The following DCLK1 variants were observed in gnomAD, a reference collection of about 807,000 sequenced individuals.
The protein encoded by DCLK1 is serine/threonine-protein kinase DCLK1.
DCLK1 carries 16 observed loss-of-function variants against 86.2 expected under a neutral mutation model. The observed-to-expected ratio is 0.19, with a 90% CI of 0.13 to 0.28. The LOEUF (loss-of-function observed/expected upper bound fraction) is 0.28. Among genes scored for constraint, DCLK1 ranks in the 10% least tolerant of loss-of-function variants. The probability of loss-of-function intolerance (pLI) is 1.00; values close to 1 mark genes in which losing one functional copy is unlikely to be tolerated. For synonymous variants in DCLK1, 369 were observed against 370.5 expected (o/e 1.00, Z 0.05); for missense variants, 590 against 940.2 (o/e 0.63, Z 4.87).
chr13:35,838,966 G>A, intron 7 of DCLK1, 126 bp downstream of exon 7: 1 of 803,270 alleles, frequency 1.2e-6, no homozygotes. Flanking sequence ...CTATCCCCTT[G>A]TGATTGACCC....
At chr13:35,963,519 T>C (rs552612204) in intron 3 of DCLK1, among the ~76,000 whole-genome samples, 2 of 152,324 alleles carry the variant, frequency 1.3e-5, no homozygotes, top group South Asian at 4.1e-4. Flanking sequence ...TTTCTGGCAT[T>C]GTTCTGGTCA....
chr13:35,847,630 A>AGAAAGAAAGAAAGAAAGAAAGAAG, intron 6 of DCLK1: 1 of 246,310 alleles, frequency 4.1e-6, no homozygotes, highest in Non-Finnish European at 4.8e-6. Flanking sequence ...AAAAAAAGAA[A>AGAAAGAAAGAAAGAAAGAAAGAAG]GAAAGAAAGA....
chr13:35,912,950 C>A (rs377520221), intron 4 of DCLK1, among the ~76,000 whole-genome samples: 7 of 152,200 alleles, frequency 4.6e-5, no homozygotes, highest in African/African-American at 1.4e-4. Context: ...CTGCTGGCGC[C>A]CAGAGTAGCT....
intron 11 of DCLK1, among the ~76,000 whole-genome samples, chr13:35,818,524 G>A (rs1379281468): frequency 6.6e-6 from 1 of 152,162 alleles, no homozygotes; most frequent in Non-Finnish European, 1.5e-5. Context: ...CAGGGTCTTG[G>A]GGACTTTGGG....
At chr13:36,112,273 C>T in intron 2 of DCLK1, 58 bp from the exon 3 acceptor site, 1 of 1,322,318 alleles carries the variant, frequency 7.6e-7, no homozygotes, top group Non-Finnish European at 1.0e-6. Flanking sequence ...TTCTTTTTTC[C>T]TACTTATCCT....
intron 5 of DCLK1, among the ~76,000 whole-genome samples, chr13:35,866,077 G>A (rs192446918): frequency 5.8e-4 from 89 of 152,242 alleles, no homozygotes; most frequent in African/African-American, 1.8e-3. Flanking sequence ...AGTCCCCGGT[G>A]CCAGCCCCGA....
At chr13:35,846,961 A>T in intron 6 of DCLK1, 1 of 985,230 alleles carries the variant, frequency 1.0e-6, no homozygotes, top group Non-Finnish European at 1.2e-6. Context: ...CATATCAAAT[A>T]TACTCTGGAT....
At chr13:35,828,592 G>A (rs1868679925) in intron 8 of DCLK1, among the ~76,000 whole-genome samples, 2 of 152,076 alleles carry the variant, frequency 1.3e-5, no homozygotes, top group Non-Finnish European at 2.9e-5. Flanking sequence ...TCCTCGAATT[G>A]CCCACTTGTC....
chr13:35,856,827 A>G (rs1031304865), intron 5 of DCLK1, among the ~76,000 whole-genome samples: 5 of 152,216 alleles, frequency 3.3e-5, no homozygotes, highest in African/African-American at 1.2e-4. Flanking sequence ...ATATTACATC[A>G]TTTAACTCAC....
intron 16 of DCLK1, among the ~76,000 whole-genome samples, chr13:35,789,361 G>A (rs1310954890): frequency 6.6e-6 from 1 of 152,214 alleles, no homozygotes; most frequent in African/African-American, 2.4e-5. Flanking sequence ...GGCTATCCAA[G>A]TGTGCATAAA....
intron 4 of DCLK1, among the ~76,000 whole-genome samples, chr13:35,925,964 T>C (rs548423874): frequency 2.4e-4 from 37 of 152,326 alleles, no homozygotes; most frequent in African/African-American, 8.7e-4. Flanking sequence ...AGTTTGCAGT[T>C]TGTATACAAA....
In DCLK1 at chr13:35,770,383, G is replaced by A. The variant is rs1165171162; in HGVS notation, c.*4152C>T. 6.6e-6 allele frequency: 1 copy of A among 152,132 alleles called. No individual in the cohort carries two copies. Among genetic ancestry groups the A allele is most frequent in the African/African-American group, 2.4e-5 (1 of 41,416 alleles). The allele number at this position is 152,132 out of a possible 1,614,324, so 9.4% of individuals were successfully genotyped here. Reference sequence around the variant, plus strand: ...GAATTGTCAAAAAATGTTAATTTTGGAAGTGCTTTTAATCACTATTTTCCC... The same window carrying A: ...GAATTGTCAAAAAATGTTAATTTTGAAAGTGCTTTTAATCACTATTTTCCC... On this transcript the variant is annotated 3_prime_UTR_variant, in exon 17 of 17. Coordinates refer to ENST00000360631, the MANE Select transcript of DCLK1 (RefSeq NM_001330071.2).
At chr13:35,797,280 T>C (rs566873229) in intron 15 of DCLK1, among the ~76,000 whole-genome samples, 1 of 152,266 alleles carries the variant, frequency 6.6e-6, no homozygotes, top group Non-Finnish European at 1.5e-5. Context: ...CCCACCTTCT[T>C]TTCACTCCCC....
At chr13:36,110,250 T>A (rs1885563539) in intron 3 of DCLK1, among the ~76,000 whole-genome samples, 1 of 152,186 alleles carries the variant, frequency 6.6e-6, no homozygotes, top group Non-Finnish European at 1.5e-5. Flanking sequence ...GTTTGCCATC[T>A]TATTGCTACT....
chr13:35,796,194 C>T (rs1241790407), intron 15 of DCLK1, among the ~76,000 whole-genome samples: 1 of 152,178 alleles, frequency 6.6e-6, no homozygotes, highest in African/African-American at 2.4e-5. Context: ...ACAAGTACTT[C>T]TTACCATCTC....
At chr13:35,998,192 T>C (rs1193992717) in intron 3 of DCLK1, among the ~76,000 whole-genome samples, 1 of 152,084 alleles carries the variant, frequency 6.6e-6, no homozygotes, top group East Asian at 1.9e-4. Context: ...AGAAGAAAAA[T>C]TGACTCACAA....
intron 4 of DCLK1, among the ~76,000 whole-genome samples, chr13:35,908,062 A>T (rs1007663523): frequency 2.0e-5 from 3 of 152,044 alleles, no homozygotes; most frequent in Non-Finnish European, 1.5e-5. Flanking sequence ...AGAGTTTAGG[A>T]TCTTAAAATA....
At chr13:36,022,529 A>G (rs137972443) in intron 3 of DCLK1, among the ~76,000 whole-genome samples, 1 of 152,232 alleles carries the variant, frequency 6.6e-6, no homozygotes, top group Admixed American at 6.5e-5. Context: ...AAAAAAACTT[A>G]TTGAGAAAAA....
intron 4 of DCLK1, among the ~76,000 whole-genome samples, chr13:35,936,715 T>C (rs1239427708): frequency 6.6e-6 from 1 of 152,126 alleles, no homozygotes; most frequent in Non-Finnish European, 1.5e-5. Context: ...CTGGATGGCC[T>C]GTTGTTGGAG....
Sources: gnomAD v4.1 joint callset for allele counts (sites outside exome capture counted in the v4.1 genomes callset) on GRCh38, gnomAD v4.1.1 for gene constraint, MANE v1.5 for transcripts, NCBI Gene and HGNC (gene_info 2026-07-23, HGNC 2026-07-21) for gene names.